The following CXADR variants were observed in gnomAD, a reference collection of about 807,000 sequenced individuals.
The protein encoded by CXADR is coxsackievirus and adenovirus receptor.
In CXADR, 20 loss-of-function variants were observed where a neutral mutation model predicts 40.3. The observed-to-expected ratio is 0.50, with a 90% CI of 0.35 to 0.72. The LOEUF (loss-of-function observed/expected upper bound fraction) is 0.72. Ranked by LOEUF, CXADR falls within the 30% of genes least tolerant of loss-of-function variation. The pLI is 0.01. For missense variants in CXADR, 332 were observed against 449.1 expected, an observed-to-expected ratio of 0.74 and a Z score of 2.36; for synonymous variants, 150 against 161.3, an observed-to-expected ratio of 0.93 and a Z score of 0.53.
At chr21:17,524,992 G>A (rs1338738401) in intron 1 of CXADR, among the ~76,000 whole-genome samples, 1 of 152,088 alleles carries the variant, frequency 6.6e-6, no homozygotes, top group Non-Finnish European at 1.5e-5. Context: ...CAGTTGGTGG[G>A]GTGTTTGCAG....
intron 1 of CXADR, among the ~76,000 whole-genome samples, chr21:17,527,933 G>A (rs2060617861): frequency 6.6e-6 from 1 of 150,834 alleles, no homozygotes; most frequent in Admixed American, 6.6e-5. Context: ...AGCATTATCC[G>A]GCATTTTAGT....
At chr21:17,577,183 A>T (rs1242247824) in intron 7 of CXADR, among the ~76,000 whole-genome samples, 1 of 152,136 alleles carries the variant, frequency 6.6e-6, no homozygotes, top group Non-Finnish European at 1.5e-5. Context: ...TTGTTAAGAT[A>T]ACACTGTGAC....
chr21:17,583,595 A>G (rs1406590074), intron 7 of CXADR, among the ~76,000 whole-genome samples: 1 of 80,290 alleles, frequency 1.2e-5, no homozygotes, highest in Non-Finnish European at 2.4e-5. Flanking sequence ...TGATTTGGCC[A>G]TGCTGACACA....
rs188788367 is a variant in CXADR at position 17,553,391 on chromosome 21, T to C, written c.415+1438T>C. Reference sequence around the variant, plus strand: ...AGACTCTGCTGGCAGCATCATTGAATGGGGACCTGAAGAGGTCCTGGTGAA... The same window carrying C: ...AGACTCTGCTGGCAGCATCATTGAACGGGGACCTGAAGAGGTCCTGGTGAA... On this transcript the variant is annotated intron_variant, in intron 3 of 6. Coordinates refer to ENST00000284878, the MANE Select transcript of CXADR (RefSeq NM_001338.5). Among the ~76,000 whole-genome samples, 158 of 152,284 alleles carry C rather than the reference T, an allele frequency of 1.0e-3. 1 individual carries two copies. The highest frequency in any genetic ancestry group is 3.7e-3 in the African/African-American group (153 of 41,570).
At chr21:17,564,335 GGAAAAA>G (rs1347137320) in intron 6 of CXADR, among the ~76,000 whole-genome samples, 7 of 146,458 alleles carry the variant, frequency 4.8e-5, no homozygotes, top group African/African-American at 7.5e-5. Context: ...AAAAAAAAAA[GGAAAAA>G]GAAAAAGATA....
At chr21:17,524,766 G>A (rs923814857) in intron 1 of CXADR, among the ~76,000 whole-genome samples, 5 of 151,638 alleles carry the variant, frequency 3.3e-5, no homozygotes, top group East Asian at 1.9e-4. Context: ...AAAATTAGCC[G>A]GGTGTGGTGG....
the CXADR span, among the ~76,000 whole-genome samples, chr21:17,620,576 T>G: frequency 6.6e-6 from 1 of 151,874 alleles, no homozygotes; most frequent in Admixed American, 6.6e-5. Flanking sequence ...GTTGGAAAAA[T>G]GATGCTTAAA....
chr21:17,564,304 G>A (rs939551475), intron 6 of CXADR, among the ~76,000 whole-genome samples: 2 of 146,878 alleles, frequency 1.4e-5, no homozygotes, highest in Non-Finnish European at 3.0e-5. Context: ...ACACCAACCT[G>A]AGCAAGATGT....
the CXADR span, chr21:17,604,029 G>A: frequency 1.2e-6 from 1 of 810,274 alleles, no homozygotes; most frequent in South Asian, 2.9e-5. Context: ...TGAGCAAGTG[G>A]AGTTCAAAAA....
rs965225415 is a variant in CXADR at position 17,567,234 on chromosome 21, T to G, written c.*1542T>G. On this transcript the variant is annotated 3_prime_UTR_variant, in exon 7 of 7. Transcript: ENST00000284878. Reference sequence around the variant, plus strand: ...GGTGCTGTGGTGGTAAATGCTATATTATGAACGGTGGCATGTATTTACAGT... The same window carrying G: ...GGTGCTGTGGTGGTAAATGCTATATGATGAACGGTGGCATGTATTTACAGT... 4 of 985,330 alleles carry G rather than the reference T, an allele frequency of 4.1e-6. No homozygotes were observed. In the African/African-American group the frequency reaches 7.0e-5, roughly 17 times the overall value. The allele number at this position is 985,330 out of a possible 1,614,324, so 61.0% of individuals were successfully genotyped here.
At chr21:17,593,027 A>ATT (rs201131393) in intron 7 of CXADR, 12,716 of 830,508 alleles carry the variant, frequency 0.015, 128 homozygotes, top group Middle Eastern at 0.025. Flanking sequence ...AAGTCAAATA[A>ATT]TTTAAGACTG....
At chr21:17,594,463 G>C, downstream of CXADR, 1 of 1,076,460 alleles carries the variant, frequency 9.3e-7, no homozygotes, top group Non-Finnish European at 1.3e-6. Context: ...CCTATTGTCA[G>C]GTCTAAATAC....
At chr21:17,573,534 C>T (rs1412532102), downstream of CXADR, among the ~76,000 whole-genome samples, 1 of 152,162 alleles carries the variant, frequency 6.6e-6, no homozygotes, top group East Asian at 1.9e-4. Context: ...CCTCTGCCTA[C>T]CCCAGGAATA....
At position 17,561,485 on chromosome 21, in the gene CXADR, G is replaced by A; in HGVS notation, c.833+9G>A. The A allele has an allele frequency of 6.2e-7, 1 of 1,604,268 alleles. No homozygotes were observed. Among genetic ancestry groups the A allele is most frequent in the African/African-American group, 1.3e-5 (1 of 74,448 alleles). ...GTTCATCACGATATCAGGTAATTAA[G>A]TGAGACAGGAGTTGACTGATGTATA... is the stretch of plus-strand genomic sequence containing the variant. On this transcript the variant is annotated intron_variant, in intron 6 of 6. Transcript: ENST00000284878.
At position 17,559,668 on chromosome 21, in the gene CXADR, G is replaced by GTTTTT. The variant is rs1491548660; in HGVS notation, c.571+537_571+538insTTTTT. On this transcript the variant is annotated intron_variant, in intron 4 of 6. Transcript: ENST00000284878. ...TTAGTTACTTTGGTACTTTTTTTTG[G>GTTTTT]GTTTTTTTTTTTTTTTTTTTTTTCC... 8.5e-5 allele frequency among the ~76,000 whole-genome samples: 9 copies of GTTTTT among 106,208 alleles called. 3 individuals carry two copies. Among genetic ancestry groups the GTTTTT allele is most frequent in the African/African-American group, 1.1e-4 (3 of 26,576 alleles). The allele number at this position is 106,208 out of a possible 152,430, so 69.7% of individuals were successfully genotyped here.
the CXADR span, chr21:17,608,966 C>G: frequency 1.1e-5 from 17 of 1,610,940 alleles, no homozygotes; most frequent in South Asian, 1.9e-4. Context: ...CAATCTAATC[C>G]TTTACCTGTA....
intron 7 of CXADR, among the ~76,000 whole-genome samples, chr21:17,577,645 G>A (rs1280963982): frequency 1.7e-5 from 1 of 59,628 alleles, no homozygotes; most frequent in South Asian, 5.9e-4. Flanking sequence ...TTTTTTAACT[G>A]ATGCATTGAT....
chr21:17,560,957 G>T, intron 5 of CXADR, 133 bp downstream of exon 5: 1 of 1,342,830 alleles, frequency 7.4e-7, no homozygotes, highest in Non-Finnish European at 9.9e-7. Flanking sequence ...TTGATTATTA[G>T]CTTTTCTAGA....
At chr21:17,634,129 G>A in the CXADR span, among the ~76,000 whole-genome samples, 1 of 152,164 alleles carries the variant, frequency 6.6e-6, no homozygotes, top group Non-Finnish European at 1.5e-5. Flanking sequence ...TGGGCTGATG[G>A]CATAGTCTGG....
Sources: gnomAD v4.1 joint callset for allele counts (sites outside exome capture counted in the v4.1 genomes callset) on GRCh38, gnomAD v4.1.1 for gene constraint, MANE v1.5 for transcripts, NCBI Gene and HGNC (gene_info 2026-07-23, HGNC 2026-07-21) for gene names.